AOAH: variants seen among roughly 807,000 people sequenced by gnomAD.
AOAH encodes acyloxyacyl hydrolase (neutrophil).
Under a neutral mutation model 92.2 loss-of-function variants are expected in AOAH, and 64 were observed. The ratio of observed to expected loss-of-function variants is 0.69; its 90% CI spans 0.57 to 0.86. The LOEUF (loss-of-function observed/expected upper bound fraction) is 0.86, where lower values mean the gene tolerates loss of function less well. Among genes scored for constraint, AOAH ranks in the 40% least tolerant of loss-of-function variants. The pLI is 0.00. For missense variants in AOAH, 656 were observed against 694.6 expected, an observed-to-expected ratio of 0.94 and a Z score of 0.62; for synonymous variants, 263 against 254.5, an observed-to-expected ratio of 1.03 and a Z score of -0.32.
At chr7:36,538,799 A>G (rs891992660) in intron 16 of AOAH, among the ~76,000 whole-genome samples, 1 of 152,242 alleles carries the variant, frequency 6.6e-6, no homozygotes, top group Non-Finnish European at 1.5e-5. Context: ...TCAAAGTTGC[A>G]TGAACAGGAA....
At chr7:36,671,810 A>C (rs933529334) in intron 3 of AOAH, among the ~76,000 whole-genome samples, 5 of 151,968 alleles carry the variant, frequency 3.3e-5, no homozygotes, top group African/African-American at 4.8e-5. Flanking sequence ...GTGTGGGGAG[A>C]CTACAAGTGG....
rs185011081 is a variant in AOAH, at chr7:36,685,240, T to G, written c.223+1459A>C. Among the ~76,000 whole-genome samples the G allele has an allele frequency of 3.4e-3, 513 of 152,220 alleles. 2 individuals carry two copies. The highest frequency in any genetic ancestry group is 0.012 in the African/African-American group (485 of 41,522). On this transcript the variant is annotated intron_variant, in intron 2 of 20. Coordinates refer to ENST00000617537, the MANE Select transcript of AOAH (RefSeq NM_001637.4). ...AGGGGTGGAAAGGAAACTTATAGAT[T>G]AAAATAGACTCAAAAGACACATCAA...
intron 1 of AOAH, among the ~76,000 whole-genome samples, chr7:36,696,518 A>G (rs1022092196): frequency 1.3e-5 from 2 of 152,128 alleles, no homozygotes; most frequent in African/African-American, 4.8e-5. Flanking sequence ...ATTAATTATG[A>G]GTAAGATTGT....
At chr7:36,643,665 G>T (rs1794045763) in intron 4 of AOAH, among the ~76,000 whole-genome samples, 1 of 152,184 alleles carries the variant, frequency 6.6e-6, no homozygotes, top group African/African-American at 2.4e-5. Context: ...TTGGGTTTGT[G>T]TCTCTGCCCG....
chr7:36,634,530 G>A (rs1256270539), intron 5 of AOAH, among the ~76,000 whole-genome samples: 1 of 152,200 alleles, frequency 6.6e-6, no homozygotes, highest in Non-Finnish European at 1.5e-5. Context: ...CACTCGGGGA[G>A]CTCGGCTCTT....
At chr7:36,716,997 TAAATAAATAAATAAATAAATAAAA>T (rs1799235117) in intron 1 of AOAH, among the ~76,000 whole-genome samples, 1 of 150,790 alleles carries the variant, frequency 6.6e-6, no homozygotes, top group African/African-American at 2.4e-5. Flanking sequence ...AATAAATAAA[TAAATAAATAAATAAATAAATAAAA>T]AAGCATAGTC....
chr7:36,658,779 A>C (rs1795032275), intron 4 of AOAH, among the ~76,000 whole-genome samples: 1 of 152,160 alleles, frequency 6.6e-6, no homozygotes, highest in Admixed American at 6.5e-5. Flanking sequence ...AGGATTTCCC[A>C]AGATGTGGGG....
rs1262843714 is a variant in AOAH at position 36,547,882 on chromosome 7, G to A, written c.1133+730C>T. Among the ~76,000 whole-genome samples, 3 of 152,158 alleles carry A rather than the reference G, an allele frequency of 2.0e-5. No individual in the cohort carries two copies. The East Asian group carries it at 5.8e-4, about 29-fold the overall frequency. On this transcript the variant is annotated intron_variant, in intron 15 of 20. Transcript: ENST00000617537. ...TAGGATTGCCCATGAGTTATCCGCA[G>A]TTTCTTTGCAAATGCTGTAGGTCTG...
At chr7:36,590,957 C>A (rs981595274) in intron 12 of AOAH, among the ~76,000 whole-genome samples, 13 of 152,156 alleles carry the variant, frequency 8.5e-5, no homozygotes, top group Non-Finnish European at 1.3e-4. Flanking sequence ...ATAATTTATA[C>A]AATGGTATAT....
intron 1 of AOAH, among the ~76,000 whole-genome samples, chr7:36,689,253 T>C (rs1189008079): frequency 3.3e-5 from 5 of 152,198 alleles, no homozygotes; most frequent in Admixed American, 3.3e-4. Flanking sequence ...CAAGTGGTCA[T>C]GATGTGCTGC....
intron 1 of AOAH, among the ~76,000 whole-genome samples, chr7:36,691,814 T>C (rs1797416242): frequency 6.6e-6 from 1 of 152,174 alleles, no homozygotes; most frequent in Non-Finnish European, 1.5e-5. Flanking sequence ...GAAGGGACAG[T>C]GTGTCAGATT....
At chr7:36,644,303 C>T (rs1003377795) in intron 4 of AOAH, among the ~76,000 whole-genome samples, 5 of 151,648 alleles carry the variant, frequency 3.3e-5, no homozygotes, top group Admixed American at 6.6e-5. Flanking sequence ...TTTCACTCTG[C>T]GCTGGGAGAT....
intron 1 of AOAH, among the ~76,000 whole-genome samples, chr7:36,697,552 T>C (rs1406181072): frequency 1.3e-5 from 2 of 152,170 alleles, no homozygotes; most frequent in Non-Finnish European, 2.9e-5. Flanking sequence ...TAAAGTGAAA[T>C]GTGTTTCTTC....
chr7:36,548,894 A>G (rs954980738), intron 14 of AOAH, among the ~76,000 whole-genome samples: 4 of 152,192 alleles, frequency 2.6e-5, no homozygotes, highest in African/African-American at 9.7e-5. Context: ...CCTATTAGAG[A>G]AAGGCCACAT....
chr7:36,708,399 A>G (rs1798559989), intron 1 of AOAH, among the ~76,000 whole-genome samples: 1 of 152,106 alleles, frequency 6.6e-6, no homozygotes, highest in Non-Finnish European at 1.5e-5. Context: ...GATCTTTATT[A>G]TAATTTTATA....
intron 3 of AOAH, among the ~76,000 whole-genome samples, chr7:36,670,771 G>A (rs1466839364): frequency 6.6e-6 from 1 of 152,150 alleles, no homozygotes; most frequent in Non-Finnish European, 1.5e-5. Context: ...CACCGCGCCC[G>A]GCCCGCTGGT....
chr7:36,649,072 C>T (rs1315578146), intron 4 of AOAH, among the ~76,000 whole-genome samples: 1 of 152,164 alleles, frequency 6.6e-6, no homozygotes, highest in Non-Finnish European at 1.5e-5. Flanking sequence ...AATTTCAAAT[C>T]AGTTGTCGTT....
chr7:36,702,437 A>T (rs767344329), intron 1 of AOAH, among the ~76,000 whole-genome samples: 5 of 152,130 alleles, frequency 3.3e-5, no homozygotes, highest in Admixed American at 6.6e-5. Flanking sequence ...ACTGATTCAG[A>T]ACTCTTGGTT....
chr7:36,709,415 T>C (rs1031813926), intron 1 of AOAH, among the ~76,000 whole-genome samples: 2 of 152,186 alleles, frequency 1.3e-5, no homozygotes, highest in African/African-American at 2.4e-5. Context: ...TTTACTGAAG[T>C]TCATGCAGTT....
Sources: gnomAD v4.1 joint callset for allele counts (sites outside exome capture counted in the v4.1 genomes callset) on GRCh38, gnomAD v4.1.1 for gene constraint, MANE v1.5 for transcripts, NCBI Gene and HGNC (gene_info 2026-07-23, HGNC 2026-07-21) for gene names.